Variants in PAK5 observed in about 807,000 individuals in gnomAD.
PAK5 encodes p21 (RAC1) activated kinase 5.
Under a neutral mutation model 65.9 loss-of-function variants are expected in PAK5, and 16 were observed. The observed-to-expected ratio is 0.24, with a 90% CI of 0.16 to 0.37. The LOEUF (loss-of-function observed/expected upper bound fraction) is 0.37. Ranked by LOEUF, PAK5 falls within the 10% of genes least tolerant of loss-of-function variation. The pLI is 1.00. For synonymous variants in PAK5, 371 were observed against 354.9 expected, an observed-to-expected ratio of 1.05 and a Z score of -0.51; for missense variants, 785 against 903.9, an observed-to-expected ratio of 0.87 and a Z score of 1.69.
At position 9,580,871 on chromosome 20, in the gene PAK5, A is replaced by G; in HGVS notation, c.264T>C (p.Asp88=). ...KETSINGLLE[D]FDNISVTRSN... ...AGCGAGTCACCGAGATGTTGTCAAA[A>G]TCCTCTAGCAGGCCGTTGATGGAGG... The change falls in exon 4 of 10, where the codon GAT becomes GAC. Residue 88 remains aspartate (D), a synonymous_variant. Transcript: ENST00000353224. 1 of 1,612,194 alleles carries G rather than the reference A, an allele frequency of 6.2e-7. No homozygotes were observed. The highest frequency in any genetic ancestry group is 8.5e-7 in the Non-Finnish European group (1 of 1,179,150).
chr20:9,629,786 A>G (rs2046898359), intron 3 of PAK5, among the ~76,000 whole-genome samples: 1 of 152,216 alleles, frequency 6.6e-6, no homozygotes, highest in South Asian at 2.1e-4. Flanking sequence ...AGTTCAATCC[A>G]TAACAATGTG....
chr20:9,624,135 G>A (rs978166832), intron 3 of PAK5, among the ~76,000 whole-genome samples: 1 of 152,118 alleles, frequency 6.6e-6, no homozygotes, highest in Non-Finnish European at 1.5e-5. Context: ...GAAAAACATA[G>A]GAAAATCACA....
intron 6 of PAK5, among the ~76,000 whole-genome samples, chr20:9,560,580 T>C (rs2045576651): frequency 6.6e-6 from 1 of 152,156 alleles, no homozygotes; most frequent in African/African-American, 2.4e-5. Flanking sequence ...CAGGCCGGTC[T>C]CGAACTCCTG....
intron 1 of PAK5, among the ~76,000 whole-genome samples, chr20:9,831,596 T>C (rs1978721146): frequency 6.6e-6 from 1 of 152,160 alleles, no homozygotes; most frequent in South Asian, 2.1e-4. Flanking sequence ...CAACCTCCAC[T>C]TCATGGGCTC....
rs2122995634 is a variant in PAK5 at position 9,566,074 on chromosome 20, G to T, written c.1301C>A (p.Ala434Glu). The change falls in exon 5 of 10, where the codon GCG becomes GAG. Residue 434 changes from alanine (A) to glutamate (E), a missense_variant. By Grantham distance (107) the Ala-to-Glu change is moderately radical. This residue lies in a region of PAK5 where 182 missense variants were observed against 273.0 expected (regional missense o/e 0.67). Transcript: ENST00000353224. ...PSRVSHEQFRAALQLVVSPGD... is the reference protein window; with the variant it reads ...PSRVSHEQFREALQLVVSPGD... ...TGGGCTGACCACCAGCTGCAGGGCC[G>T]CCCGAAACTGTTCATGGGACACCCT... 1 of 1,613,878 alleles carries T rather than the reference G, an allele frequency of 6.2e-7. No homozygotes were observed. Among genetic ancestry groups the T allele is most frequent in the Non-Finnish European group, 8.5e-7 (1 of 1,179,928 alleles).
chr20:9,571,608 T>G (rs1037907062), intron 4 of PAK5, among the ~76,000 whole-genome samples: 1 of 152,210 alleles, frequency 6.6e-6, no homozygotes. Context: ...AGAATAATGA[T>G]GTTTGATACT....
intron 1 of PAK5, among the ~76,000 whole-genome samples, chr20:9,753,659 A>G (rs377195166): frequency 2.6e-4 from 40 of 152,302 alleles, no homozygotes; most frequent in African/African-American, 9.4e-4. Context: ...GTGATAGCCC[A>G]TAAAGGGAAA....
At chr20:9,735,556 C>T (rs2048379016) in intron 1 of PAK5, among the ~76,000 whole-genome samples, 1 of 151,886 alleles carries the variant, frequency 6.6e-6, no homozygotes, top group South Asian at 2.1e-4. Flanking sequence ...AAGGTCTTGC[C>T]AAAATAGATG....
chr20:9,699,520 A>G (rs928213754), intron 2 of PAK5, among the ~76,000 whole-genome samples: 9 of 145,646 alleles, frequency 6.2e-5, no homozygotes, highest in African/African-American at 1.8e-4. Context: ...TATTAAGCTT[A>G]TGAGGGAAAA....
At chr20:9,552,555 T>G (rs367570684) in intron 7 of PAK5, among the ~76,000 whole-genome samples, 1 of 152,228 alleles carries the variant, frequency 6.6e-6, no homozygotes, top group African/African-American at 2.4e-5. Context: ...CACAAATTAG[T>G]GACTCGTTAG....
At chr20:9,725,549 A>G (rs544516809) in intron 1 of PAK5, among the ~76,000 whole-genome samples, 1 of 152,214 alleles carries the variant, frequency 6.6e-6, no homozygotes, top group Non-Finnish European at 1.5e-5. Flanking sequence ...ACACACCAAC[A>G]GCAACAATTT....
At chr20:9,831,013 C>G (rs1194568027) in intron 1 of PAK5, among the ~76,000 whole-genome samples, 1 of 152,166 alleles carries the variant, frequency 6.6e-6, no homozygotes, top group Non-Finnish European at 1.5e-5. Flanking sequence ...GGTAGTGGGC[C>G]TACTAATCAA....
chr20:9,551,849 A>G (rs2045433796), intron 7 of PAK5, among the ~76,000 whole-genome samples: 1 of 152,188 alleles, frequency 6.6e-6, no homozygotes, highest in Non-Finnish European at 1.5e-5. Flanking sequence ...CAAGCTTTCC[A>G]GTGGGTTCTG....
At chr20:9,640,620 AC>A (rs1285695901) in intron 3 of PAK5, among the ~76,000 whole-genome samples, 1 of 151,892 alleles carries the variant, frequency 6.6e-6, no homozygotes, top group Non-Finnish European at 1.5e-5. Context: ...GAAGCCGCGG[AC>A]CCTCGCGGTG....
intron 2 of PAK5, among the ~76,000 whole-genome samples, chr20:9,675,517 AT>A (rs1204002110): frequency 1.3e-5 from 2 of 151,990 alleles, no homozygotes; most frequent in African/African-American, 4.8e-5. Context: ...TTATTTATTT[AT>A]TTATTTTAGA....
chr20:9,732,417 A>G (rs1482858175), intron 1 of PAK5, among the ~76,000 whole-genome samples: 3 of 152,320 alleles, frequency 2.0e-5, no homozygotes, highest in East Asian at 3.9e-4. Flanking sequence ...GCATGTGTTC[A>G]TTATAGAAAA....
At chr20:9,814,504 G>A (rs1239043469) in intron 1 of PAK5, among the ~76,000 whole-genome samples, 2 of 151,930 alleles carry the variant, frequency 1.3e-5, no homozygotes, top group Non-Finnish European at 2.9e-5. Flanking sequence ...GAATCACTGA[G>A]AAAGAAAAAA....
chr20:9,809,362 A>G (rs1033654841), intron 1 of PAK5, among the ~76,000 whole-genome samples: 2 of 133,774 alleles, frequency 1.5e-5, no homozygotes, highest in African/African-American at 5.9e-5. Flanking sequence ...TGGCAGGCTC[A>G]TCATGATAAT....
chr20:9,677,652 T>A (rs2047593093), intron 2 of PAK5, among the ~76,000 whole-genome samples: 2 of 152,228 alleles, frequency 1.3e-5, no homozygotes, highest in Admixed American at 1.3e-4. Context: ...ACCATTTGGA[T>A]TTCAGTTTGA....
Sources: gnomAD v4.1 joint callset for allele counts (sites outside exome capture counted in the v4.1 genomes callset) on GRCh38, gnomAD v4.1.1 for gene constraint, gnomAD v4.1.1 regional missense constraint, MANE v1.5 for transcripts, NCBI Gene and HGNC (gene_info 2026-07-23, HGNC 2026-07-21) for gene names.